The following B4GALT1 variants were observed in gnomAD, a reference collection of about 807,000 sequenced individuals.
B4GALT1 encodes beta-1,4-galactosyltransferase 1.
Under a neutral mutation model 34.9 loss-of-function variants are expected in B4GALT1, and 16 were observed. The observed-to-expected ratio is 0.46, with a 90% CI of 0.31 to 0.70. The LOEUF (loss-of-function observed/expected upper bound fraction) is 0.70, where lower values mean the gene tolerates loss of function less well. B4GALT1 is among the 30% of genes least tolerant of loss of function. The pLI is 0.05. For missense variants in B4GALT1, 445 were observed against 530.5 expected, an observed-to-expected ratio of 0.84 and a Z score of 1.58; for synonymous variants, 221 against 218.1, an observed-to-expected ratio of 1.01 and a Z score of -0.12.
At chr9:33,142,783 G>C (rs1175728068) in intron 1 of B4GALT1, among the ~76,000 whole-genome samples, 1 of 152,076 alleles carries the variant, frequency 6.6e-6, no homozygotes, top group Non-Finnish European at 1.5e-5. Context: ...TTTTTCAACA[G>C]GAAACAGAAT....
At chr9:33,172,963 G>C in the B4GALT1 span, among the ~76,000 whole-genome samples, 1 of 152,212 alleles carries the variant, frequency 6.6e-6, no homozygotes, top group Non-Finnish European at 1.5e-5. Flanking sequence ...TAGCAGCCCA[G>C]CAAAGAGGGT....
chr9:33,113,176 G>T lies in B4GALT1; in HGVS notation c.*278C>A. 1 of 466,946 alleles carries T rather than the reference G, an allele frequency of 2.1e-6. No homozygotes were observed. Among genetic ancestry groups the T allele is most frequent in the Non-Finnish European group, 3.9e-6 (1 of 256,214 alleles). The allele number at this position is 466,946 out of a possible 1,614,324, so 28.9% of individuals were successfully genotyped here. On this transcript the variant is annotated 3_prime_UTR_variant, in exon 6 of 6. Transcript: ENST00000379731. ...TGTGTTCCACGGCCACCAAATTTTG[G>T]GATGTGTACAGTTCTGACTCTGGGG...
chr9:33,174,278 G>A, the B4GALT1 span: 1 of 152,844 alleles, frequency 6.5e-6, no homozygotes, highest in Non-Finnish European at 1.5e-5. Context: ...GCTTTAGCTT[G>A]GTGTAATTTT....
In B4GALT1 at chr9:33,141,449, G is replaced by T. The variant is rs559737568; in HGVS notation, c.413-6025C>A. Among the ~76,000 whole-genome samples, 12 of 152,232 alleles carry T rather than the reference G, an allele frequency of 7.9e-5. 1 individual carries two copies. On this transcript the variant is annotated intron_variant, in intron 1 of 5. Transcript: ENST00000379731. ...GGAGAATCTCTTGAACCTGGGAGGT[G>T]AAGGTTGCAGTGAGCCGAAATCACG...
intron 1 of B4GALT1, among the ~76,000 whole-genome samples, chr9:33,163,273 A>G (rs1328898): frequency 0.49 from 75,063 of 152,000 alleles, 19,436 homozygotes; most frequent in East Asian, 0.72. Flanking sequence ...GACGCTCAGC[A>G]ACAGCCCCCA....
In B4GALT1 at chr9:33,166,649, G is replaced by A. The variant is rs577733651; in HGVS notation, c.412+109C>T. 4.0e-4 allele frequency: 491 copies of A among 1,230,966 alleles called. 1 individual carries two copies. In the African/African-American group the frequency reaches 6.2e-3, roughly 15 times the overall value. The allele number at this position is 1,230,966 out of a possible 1,614,324, so 76.3% of individuals were successfully genotyped here. ...GATTTAAAACTCTGATCCAGAAGAG[G>A]GAGGCTGGCTGTCGTAGAAGAGCCA... On this transcript the variant is annotated intron_variant, in intron 1 of 5. Transcript: ENST00000379731.
chr9:33,105,285 A>G (rs992426101), intron 2 of B4GALT1, among the ~76,000 whole-genome samples: 2 of 151,932 alleles, frequency 1.3e-5, no homozygotes, highest in African/African-American at 4.8e-5. Context: ...GATTACAGGC[A>G]TGCACCACCA....
chr9:33,128,442 C>T (rs1840144689), intron 2 of B4GALT1, among the ~76,000 whole-genome samples: 1 of 152,098 alleles, frequency 6.6e-6, no homozygotes, highest in Admixed American at 6.6e-5. Flanking sequence ...TTTCCCAGAA[C>T]AATGTCCATG....
chr9:33,146,642 G>A (rs767829634), intron 1 of B4GALT1, among the ~76,000 whole-genome samples: 1 of 151,950 alleles, frequency 6.6e-6, no homozygotes, highest in South Asian at 2.1e-4. Flanking sequence ...TGTTAGAAGA[G>A]ATTTAGACAT....
chr9:33,174,977 A>T, the B4GALT1 span, among the ~76,000 whole-genome samples: 1 of 41,994 alleles, frequency 2.4e-5, no homozygotes, highest in Non-Finnish European at 5.2e-5. Flanking sequence ...AAAAAAAAAA[A>T]AAAAAAAAAA....
At chr9:33,154,084 T>TG (rs1375729263) in intron 1 of B4GALT1, among the ~76,000 whole-genome samples, 8 of 151,378 alleles carry the variant, frequency 5.3e-5, no homozygotes, top group African/African-American at 1.9e-4. Flanking sequence ...GACCACTATC[T>TG]GTTATGAATA....
chr9:33,119,203 C>A (rs755556969), intron 3 of B4GALT1, among the ~76,000 whole-genome samples: 11 of 152,062 alleles, frequency 7.2e-5, no homozygotes, highest in South Asian at 4.1e-4. Context: ...AATATAAACA[C>A]GGAATTAGGA....
At chr9:33,108,776 G>C (rs551442152), downstream of B4GALT1, 3 of 152,214 alleles carry the variant, frequency 2.0e-5, no homozygotes, top group African/African-American at 7.2e-5. Context: ...CTGACAGCTT[G>C]CAAAGTCCTG....
intron 1 of B4GALT1, among the ~76,000 whole-genome samples, chr9:33,138,812 A>T (rs1163796372): frequency 6.6e-6 from 1 of 152,022 alleles, no homozygotes; most frequent in Non-Finnish European, 1.5e-5. Context: ...ATGCAACCCC[A>T]CCACCATCAC....
At chr9:33,116,289 G>A (rs1352276532) in intron 3 of B4GALT1, among the ~76,000 whole-genome samples, 176 bp from the exon 4 acceptor site, 2 of 151,658 alleles carry the variant, frequency 1.3e-5, no homozygotes, top group African/African-American at 2.4e-5. Context: ...TGGAGTGCAG[G>A]GGCGCGATCT....
chr9:33,179,778 G>A, the B4GALT1 span: 1 of 152,194 alleles, frequency 6.6e-6, no homozygotes, highest in Non-Finnish European at 1.5e-5. Flanking sequence ...TTTGAGGAAG[G>A]CTAGGCTAAA....
intron 2 of B4GALT1, among the ~76,000 whole-genome samples, chr9:33,126,778 T>C (rs1320430027): frequency 6.6e-6 from 1 of 151,468 alleles, no homozygotes; most frequent in Non-Finnish European, 1.5e-5. Flanking sequence ...GAGTGGTTCT[T>C]GGTCAACCAA....
Position 33,120,428 on chromosome 9 carries a change from A to G in B4GALT1, c.827T>C (p.Phe276Ser), listed in dbSNP as rs1180123151. ...PRHISVAMDK[F>S]GFSLPYVQYF... is the part of the protein sequence containing the mutation. ...ACTGAGTATCTCTTACCTGAATCCA[A>G]ACTTATCCATTGCAACGGAAATGTG... The change falls in exon 3 of 6, where the codon TTT becomes TCT. Residue 276 changes from phenylalanine (F) to serine (S), a missense_variant. This residue lies in a region of B4GALT1 where 349 missense variants were observed against 395.5 expected (regional missense o/e 0.88). Transcript: ENST00000379731. 1 of 1,613,106 alleles carries G rather than the reference A, an allele frequency of 6.2e-7. No individual in the cohort carries two copies. The highest frequency in any genetic ancestry group is 8.5e-7 in the Non-Finnish European group (1 of 1,180,018).
At chr9:33,126,653 A>C (rs1840107335) in intron 2 of B4GALT1, among the ~76,000 whole-genome samples, 4 of 152,256 alleles carry the variant, frequency 2.6e-5, no homozygotes, top group South Asian at 2.1e-4. Flanking sequence ...AACTATTGTT[A>C]ACCATAGCAA....
Sources: gnomAD v4.1 joint callset for allele counts (sites outside exome capture counted in the v4.1 genomes callset) on GRCh38, gnomAD v4.1.1 for gene constraint, gnomAD v4.1.1 regional missense constraint, MANE v1.5 for transcripts, NCBI Gene and HGNC (gene_info 2026-07-23, HGNC 2026-07-21) for gene names.